Variants in ZFR2 observed in about 807,000 individuals in gnomAD.
ZFR2 encodes zinc finger RNA-binding protein 2.
ZFR2 carries 104 observed loss-of-function variants against 105.7 expected under a neutral mutation model. The ratio of observed to expected loss-of-function variants is 0.98; its 90% CI spans 0.84 to 1.16. The LOEUF (loss-of-function observed/expected upper bound fraction) is 1.16. Ranked by LOEUF, ZFR2 falls within the 50% of genes most tolerant of loss-of-function variation. The pLI, the probability that ZFR2 is intolerant of heterozygous loss-of-function variation, is 0.00. For synonymous variants in ZFR2, 634 were observed against 597.7 expected (o/e 1.06, Z -0.89); for missense variants, 1,425 against 1,355.5 (o/e 1.05, Z -0.80).
intron 12 of ZFR2, 94 bp downstream of exon 12, chr19:3,818,951 A>G (rs1303192121): frequency 1.6e-5 from 24 of 1,459,952 alleles, no homozygotes; most frequent in African/African-American, 4.3e-5. Context: ...CTCCAGGCCC[A>G]TCAGAGCTAG....
chr19:3,828,578 G>A (rs914094308), intron 5 of ZFR2, among the ~76,000 whole-genome samples: 8 of 152,270 alleles, frequency 5.3e-5, no homozygotes, highest in Admixed American at 5.2e-4. Flanking sequence ...GGCTCCACCC[G>A]GGGGAAGCCA....
intron 14 of ZFR2, among the ~76,000 whole-genome samples, chr19:3,811,712 C>T (rs2037767118): frequency 6.6e-6 from 1 of 152,014 alleles, no homozygotes; most frequent in Non-Finnish European, 1.5e-5. Context: ...ACCTCAGCCT[C>T]CCAAAGTGCT....
At position 3,811,360 on chromosome 19, in the gene ZFR2, T is replaced by G. The variant is rs1333709108; in HGVS notation, c.2249A>C (p.Glu750Ala). Residue 750 changes from glutamate to alanine, a missense_variant, in exon 15 of 19, where the codon GAG becomes GCG. By Grantham distance (107) the Glu-to-Ala change is moderately radical. Transcript: ENST00000262961. ...ATCACCTGCATCAGCCTGAGGCTCC[T>G]CCACACCTTCTAGAAGAAAAACCTC... ...REDPSTDPGV[E>A]EPQADAGDVL... 5 of 1,591,324 alleles carry G rather than the reference T, an allele frequency of 3.1e-6. No homozygotes were observed. The highest frequency in any genetic ancestry group is 4.3e-6 in the Non-Finnish European group (5 of 1,170,164).
At chr19:3,816,531 C>T (rs1029261292) in intron 13 of ZFR2, 143 bp downstream of exon 13, 1 of 1,299,792 alleles carries the variant, frequency 7.7e-7, no homozygotes. Context: ...CGGACGTGAG[C>T]CACTGCGCCT....
In ZFR2 at chr19:3,831,334, TC is replaced by T; in HGVS notation, c.820del (p.Asp274ThrfsTer153). ...GPRQLQLHYC[D>X]ICKISCAGPQ... ...GCCAGCGCAGCTGATCTTGCAGATG[TC>T]GCAGTAGTGAAGCTGGAGCTGCCTG... On this transcript the variant is annotated frameshift_variant, in exon 5 of 19. Coordinates refer to ENST00000262961, the MANE Select transcript of ZFR2 (RefSeq NM_015174.2). LOFTEE classifies it high-confidence loss of function. 6.4e-7 allele frequency: 1 copy of T among 1,557,014 alleles called. No individual in the cohort carries two copies. Among genetic ancestry groups the T allele is most frequent in the East Asian group, 2.4e-5 (1 of 42,040 alleles).
chr19:3,866,207 T>A (rs1302091093), intron 1 of ZFR2, among the ~76,000 whole-genome samples: 2 of 151,888 alleles, frequency 1.3e-5, no homozygotes, highest in Non-Finnish European at 2.9e-5. Flanking sequence ...AGAAAGAATG[T>A]CTAGTTAACC....
chr19:3,863,474 C>G (rs2038395578), intron 1 of ZFR2, among the ~76,000 whole-genome samples: 1 of 152,130 alleles, frequency 6.6e-6, no homozygotes, highest in East Asian at 1.9e-4. Flanking sequence ...GTCGCCCAGG[C>G]TGCAGTGCAG....
In ZFR2 at chr19:3,811,275, A is replaced by G; in HGVS notation, c.2334T>C (p.Phe778=). Residue 778 remains phenylalanine, a synonymous_variant, in exon 15 of 19, where the codon TTT becomes TTC. Coordinates refer to ENST00000262961, the MANE Select transcript of ZFR2 (RefSeq NM_015174.2). ...SLAALRHARW[F]QARASGLQPC... ...GCTCCACCCCTGCCCCCCTGACCTG[A>G]AACCACCTGGCATGACGGAGGGCGG... 1.3e-6 allele frequency: 2 copies of G among 1,590,208 alleles called. No individual in the cohort carries two copies. Among genetic ancestry groups the G allele is most frequent in the Non-Finnish European group, 1.7e-6 (2 of 1,169,430 alleles).
rs113016084 is a variant in ZFR2 at position 3,807,230 on chromosome 19, G to T, written c.2585C>A (p.Thr862Lys). 3.7e-4 allele frequency: 575 copies of T among 1,562,180 alleles called. No individual in the cohort carries two copies. The African/African-American group carries it at 6.7e-3, about 18-fold the overall frequency. The change falls in exon 18 of 19, where the codon ACA becomes AAA. Residue 862 changes from threonine (T) to lysine (K), a missense_variant. Transcript: ENST00000262961. ...GAGGGTCATGGGCTCGAGGGCATCTGTCTGGTCTCTCTCGCAGGGATCCTG... is the reference window on the plus strand; with the variant it reads ...GAGGGTCATGGGCTCGAGGGCATCTTTCTGGTCTCTCTCGCAGGGATCCTG... ...GLQDPCERDQTDALEPMTLQE... is the reference protein window; with the variant it reads ...GLQDPCERDQKDALEPMTLQE...
In ZFR2 at chr19:3,816,680, C is replaced by T. The variant is rs2037827541; in HGVS notation, c.2097G>A (p.Gln699=). 6.2e-7 allele frequency: 1 copy of T among 1,607,590 alleles called. No individual in the cohort carries two copies. The highest frequency in any genetic ancestry group is 8.5e-7 in the Non-Finnish European group (1 of 1,176,438). The change falls in exon 13 of 19, where the codon CAG becomes CAA. Residue 699 remains glutamine, a synonymous_variant. Transcript: ENST00000262961. ...AGCAGGGCCCTGACCTTACCTGGAG[C>T]TGCCGGGGCAGCTGCTGGGCGATCC... is the stretch of plus-strand genomic sequence containing the variant. ...LRRIAQQLPR[Q]LQMVTEDEYE...
chr19:3,812,761 AC>A (rs200181381), intron 14 of ZFR2, among the ~76,000 whole-genome samples: 3 of 151,990 alleles, frequency 2.0e-5, no homozygotes, highest in African/African-American at 4.8e-5. Context: ...TTATTAAAAA[AC>A]AAAACAAAAC....
intron 1 of ZFR2, among the ~76,000 whole-genome samples, chr19:3,847,124 G>A (rs1158213311): frequency 2.0e-5 from 3 of 152,158 alleles, no homozygotes; most frequent in African/African-American, 7.2e-5. Context: ...TCACAACATG[G>A]CGGCCAGCTT....
Position 3,819,089 on chromosome 19 carries a change from G to A in ZFR2, c.1887C>T (p.Ala629=), listed in dbSNP as rs374257717. The part of the protein sequence containing the change: ...RALKLVSDTL[A]EEDRGRREEE... The stretch of plus-strand genomic sequence containing the variant: ...CCTCTCGGCGGCCCCGGTCCTCCTC[G>A]GCCAGTGTGTCGGACACCAGCTTGA... The change falls in exon 12 of 19, where the codon GCC becomes GCT. Residue 629 remains alanine, a synonymous_variant. Coordinates refer to ENST00000262961, the MANE Select transcript of ZFR2 (RefSeq NM_015174.2). 7.4e-6 allele frequency: 12 copies of A among 1,612,196 alleles called. No individual in the cohort carries two copies. Among genetic ancestry groups the A allele is most frequent in the African/African-American group, 1.3e-5 (1 of 74,918 alleles).
At chr19:3,855,723 C>A in intron 1 of ZFR2, 1 of 346,332 alleles carries the variant, frequency 2.9e-6, no homozygotes, top group Non-Finnish European at 5.2e-6. Context: ...AGGGTGAAGA[C>A]ACAAAGTTGG....
chr19:3,855,180 G>A (rs1309738531), intron 1 of ZFR2, among the ~76,000 whole-genome samples: 1 of 152,166 alleles, frequency 6.6e-6, no homozygotes, highest in African/African-American at 2.4e-5. Flanking sequence ...ACTGGCATAA[G>A]CCAACGTGCC....
intron 1 of ZFR2, among the ~76,000 whole-genome samples, chr19:3,857,252 G>A (rs1322426198): frequency 4.0e-5 from 6 of 151,534 alleles, no homozygotes; most frequent in South Asian, 4.2e-4. Context: ...CACGCCCAGC[G>A]GAATCTCCCA....
At chr19:3,817,590 T>C (rs1445814551) in intron 12 of ZFR2, among the ~76,000 whole-genome samples, 1 of 139,262 alleles carries the variant, frequency 7.2e-6, no homozygotes. Flanking sequence ...ATAATAATAA[T>C]AATAATAATA....
chr19:3,867,080 G>A (rs774469516), intron 1 of ZFR2, among the ~76,000 whole-genome samples: 1 of 152,142 alleles, frequency 6.6e-6, no homozygotes, highest in Non-Finnish European at 1.5e-5. Context: ...GCTCCACCGC[G>A]GGAAGCTGAA....
intron 1 of ZFR2, among the ~76,000 whole-genome samples, chr19:3,864,969 G>A (rs983616419): frequency 2.7e-5 from 4 of 149,044 alleles, no homozygotes; most frequent in African/African-American, 7.4e-5. Flanking sequence ...GGCTGGTCTC[G>A]AACTCCTGAC....
Sources: allele counts gnomAD v4.1 joint callset (sites outside exome capture counted in the v4.1 genomes callset), GRCh38; gene constraint gnomAD v4.1.1; transcripts MANE v1.5; gene names NCBI Gene and HGNC (gene_info 2026-07-23, HGNC 2026-07-21).